Variants in NBEA observed in about 807,000 individuals in gnomAD.
NBEA encodes the protein lysosomal-trafficking regulator 2.
A neutral mutation model predicts 343.4 loss-of-function variants in NBEA; 44 were observed. The ratio of observed to expected loss-of-function variants is 0.13; its 90% CI spans 0.10 to 0.16. NBEA has a LOEUF of 0.16. NBEA is among the 10% of genes least tolerant of loss of function. NBEA has a pLI of 1.00. For synonymous variants in NBEA, 1,175 were observed against 1,238.7 expected (o/e 0.95, Z 1.08); for missense variants, 2,555 against 3,631.3 (o/e 0.70, Z 7.62).
At chr13:35,339,130 T>G (rs1013719188) in intron 36 of NBEA, among the ~76,000 whole-genome samples, 33 of 152,050 alleles carry the variant, frequency 2.2e-4, no homozygotes, top group African/African-American at 7.7e-4. Context: ...TATTCAACAT[T>G]ATACTGCAGG....
intron 34 of NBEA, among the ~76,000 whole-genome samples, chr13:35,273,226 A>C (rs1265285095): frequency 6.6e-6 from 1 of 152,240 alleles, no homozygotes; most frequent in Non-Finnish European, 1.5e-5. Context: ...ACTACATGGA[A>C]ACTGAAGACC....
intron 38 of NBEA, among the ~76,000 whole-genome samples, chr13:35,394,812 T>C (rs1327454264): frequency 6.6e-6 from 1 of 152,166 alleles, no homozygotes; most frequent in East Asian, 1.9e-4. Flanking sequence ...TGTTTTGTTT[T>C]GTTTTTTTCT....
intron 43 of NBEA, among the ~76,000 whole-genome samples, chr13:35,553,066 A>G (rs2079412376): frequency 6.6e-6 from 1 of 151,544 alleles, no homozygotes; most frequent in African/African-American, 2.4e-5. Flanking sequence ...TAATTTTTGT[A>G]TTGTTTATAG....
intron 1 of NBEA, among the ~76,000 whole-genome samples, chr13:34,960,432 G>T (rs2059626574): frequency 6.6e-6 from 1 of 151,906 alleles, no homozygotes; most frequent in South Asian, 2.1e-4. Context: ...TAAATTAAGT[G>T]TAGCTCAAGT....
At chr13:35,459,745 G>C (rs1253043789) in intron 40 of NBEA, among the ~76,000 whole-genome samples, 2 of 152,154 alleles carry the variant, frequency 1.3e-5, no homozygotes, top group African/African-American at 4.8e-5. Flanking sequence ...AAAATGTAGA[G>C]CATGTGGGAA....
chr13:35,396,101 C>A (rs2152903270), intron 38 of NBEA, among the ~76,000 whole-genome samples: 1 of 152,154 alleles, frequency 6.6e-6, no homozygotes, highest in East Asian at 1.9e-4. Flanking sequence ...TGCTATGGTG[C>A]CCAGTCTGGC....
chr13:35,364,924 A>G (rs1481394642), intron 38 of NBEA, among the ~76,000 whole-genome samples: 1 of 151,796 alleles, frequency 6.6e-6, no homozygotes, highest in Non-Finnish European at 1.5e-5. Context: ...ACATTACGGA[A>G]TAACAGAGCT....
rs1436732218 is a variant in NBEA at position 35,541,476 on chromosome 13, A to G, written c.6586-9001A>G. ...GAGCTGACCTAATTATGGGCTGTTT[A>G]TAAAATAGGAAGCCTTCTTGCAGTT... On this transcript the variant is annotated intron_variant, in intron 41 of 58. Coordinates refer to ENST00000379939, the MANE Select transcript of NBEA (RefSeq NM_001385012.1). Among the ~76,000 whole-genome samples the G allele has an allele frequency of 3.3e-5, 5 of 152,146 alleles. No individual in the cohort carries two copies. The East Asian group carries it at 7.7e-4, about 24-fold the overall frequency.
chr13:35,258,718 G>A (rs1044381957), intron 34 of NBEA, among the ~76,000 whole-genome samples: 1 of 152,140 alleles, frequency 6.6e-6, no homozygotes, highest in Non-Finnish European at 1.5e-5. Context: ...ACATGATGAT[G>A]TAACTTGTAA....
At chr13:35,419,311 G>A (rs2044134518) in intron 38 of NBEA, among the ~76,000 whole-genome samples, 1 of 152,038 alleles carries the variant, frequency 6.6e-6, no homozygotes, top group Non-Finnish European at 1.5e-5. Flanking sequence ...TCATAGAACA[G>A]TGCCTTCTCC....
intron 1 of NBEA, among the ~76,000 whole-genome samples, chr13:34,993,919 T>C (rs2152518656): frequency 6.6e-6 from 1 of 152,190 alleles, no homozygotes; most frequent in Admixed American, 6.5e-5. Flanking sequence ...CATAAGGGGC[T>C]GGGCATGGTG....
At chr13:35,348,945 A>ATAG (rs1337119480) in intron 36 of NBEA, among the ~76,000 whole-genome samples, 163 bp from the exon 37 acceptor site, 1 of 152,090 alleles carries the variant, frequency 6.6e-6, no homozygotes, top group Non-Finnish European at 1.5e-5. Flanking sequence ...ACATCTTTCT[A>ATAG]TATTTCACAT....
chr13:35,465,531 G>A (rs910165519), intron 40 of NBEA, among the ~76,000 whole-genome samples: 3 of 152,052 alleles, frequency 2.0e-5, no homozygotes, highest in Non-Finnish European at 4.4e-5. Context: ...TACTCTTCCC[G>A]ATCATTAAAT....
chr13:35,070,610 A>G, intron 9 of NBEA, 109 bp from the exon 10 acceptor site: 1 of 1,018,556 alleles, frequency 9.8e-7, no homozygotes, highest in Non-Finnish European at 1.3e-6. Context: ...GAAGGCTTAA[A>G]AATGTCCAAG....
At chr13:35,613,146 AGTTTATTCCTCC>A (rs1156492472) in intron 48 of NBEA, among the ~76,000 whole-genome samples, 4 of 150,260 alleles carry the variant, frequency 2.7e-5, no homozygotes, top group African/African-American at 4.9e-5. Flanking sequence ...AGAACACCAG[AGTTTATTCCTCC>A]TAACTGTAAC....
chr13:35,181,054 T>G (rs2071281621), intron 28 of NBEA, among the ~76,000 whole-genome samples: 1 of 151,910 alleles, frequency 6.6e-6, no homozygotes, highest in Non-Finnish European at 1.5e-5. Flanking sequence ...ATACCACAGT[T>G]TCTTTATCCA....
At chr13:35,566,648 A>C (rs2153025888) in intron 44 of NBEA, among the ~76,000 whole-genome samples, 1 of 152,346 alleles carries the variant, frequency 6.6e-6, no homozygotes, top group Admixed American at 6.5e-5. Flanking sequence ...AATGTGGTGT[A>C]ACACAGGAAG....
At chr13:35,519,680 G>T (rs906046558) in intron 41 of NBEA, among the ~76,000 whole-genome samples, 1 of 151,768 alleles carries the variant, frequency 6.6e-6, no homozygotes, top group Non-Finnish European at 1.5e-5. Context: ...CCTATTTATG[G>T]GGTACATGTG....
chr13:35,153,762 CTT>C (rs2068956301), intron 18 of NBEA, among the ~76,000 whole-genome samples: 1 of 152,302 alleles, frequency 6.6e-6, no homozygotes, highest in East Asian at 1.9e-4. Context: ...GTTGAAAACA[CTT>C]TAACTATCAC....
Sources: allele counts gnomAD v4.1 joint callset (sites outside exome capture counted in the v4.1 genomes callset), GRCh38; gene constraint gnomAD v4.1.1; transcripts MANE v1.5; gene names NCBI Gene and HGNC (gene_info 2026-07-23, HGNC 2026-07-21).